Variants in GYS1 observed in about 807,000 individuals in gnomAD.
GYS1 encodes the protein glycogen synthase 1, also known as glycogen [starch] synthase, muscle.
In GYS1, 60 loss-of-function variants were observed where a neutral mutation model predicts 89.1. The ratio of observed to expected loss-of-function variants is 0.67; its 90% CI spans 0.55 to 0.84. The LOEUF (loss-of-function observed/expected upper bound fraction) is 0.84, where lower values mean the gene tolerates loss of function less well. GYS1 is among the 40% of genes least tolerant of loss of function. The probability of loss-of-function intolerance (pLI) is 0.00; values close to 1 mark genes in which losing one functional copy is unlikely to be tolerated. For missense variants in GYS1, 888 were observed against 1,003.1 expected (o/e 0.89, Z 1.55); for synonymous variants, 366 against 401.7 (o/e 0.91, Z 1.06).
chr19:48,969,900 C>T (rs1488965012), intron 14 of GYS1, 45 bp from the exon 15 acceptor site: 3 of 1,392,574 alleles, frequency 2.2e-6, no homozygotes, highest in African/African-American at 1.4e-5. Flanking sequence ...AGAGCCAGGC[C>T]CCACCCCCAG....
intron 12 of GYS1, among the ~76,000 whole-genome samples, chr19:48,972,541 C>T (rs532800359): frequency 5.9e-5 from 9 of 152,062 alleles, no homozygotes; most frequent in East Asian, 1.9e-4. Context: ...TGCAGTGGCG[C>T]GATCTCAGCT....
chr19:48,982,294 G>A lies in GYS1; in HGVS notation c.1023C>T (p.Val341=), dbSNP rs1374274905. ...RYEFSNKGAD[V]FLEALARLNY... is the part of the protein sequence containing the mutation. ...TGAGCCGAGCCAATGCCTCCAGGAA[G>A]ACGTCAGCACCCTTGTTGGAGAACT... Residue 341 remains valine (V), a synonymous_variant, in exon 7 of 16, where the codon GTC becomes GTT. Transcript: ENST00000323798. 1 of 1,613,870 alleles carries A rather than the reference G, an allele frequency of 6.2e-7. No homozygotes were observed. Among genetic ancestry groups the A allele is most frequent in the South Asian group, 1.1e-5 (1 of 91,078 alleles).
At chr19:48,984,956 A>G (rs2038819528) in intron 5 of GYS1, among the ~76,000 whole-genome samples, 2 of 146,610 alleles carry the variant, frequency 1.4e-5, no homozygotes, top group African/African-American at 5.4e-5. Flanking sequence ...AGGCTAACAT[A>G]AAGTGTTCTG....
intron 2 of GYS1, among the ~76,000 whole-genome samples, chr19:48,990,571 A>C (rs1253829071): frequency 6.6e-6 from 1 of 152,180 alleles, no homozygotes; most frequent in Non-Finnish European, 1.5e-5. Flanking sequence ...TAACAATGAC[A>C]ATCACCGCCC....
chr19:48,988,537 G>C (rs116237683), intron 2 of GYS1, among the ~76,000 whole-genome samples: 1 of 150,696 alleles, frequency 6.6e-6, no homozygotes, highest in Admixed American at 6.6e-5. Context: ...CAGGCTGATC[G>C]TGAACTCCTG....
Position 48,969,282 on chromosome 19 carries a change from G to A in GYS1, c.*6C>T, listed in dbSNP as rs2038512734. On this transcript the variant is annotated 3_prime_UTR_variant, in exon 16 of 16. Transcript: ENST00000323798. Reference sequence around the variant, plus strand: ...CAGGACAGGCGGGGAGTGTGGTGGGGCGGACTTAGTTACGCTCCTCGCCCA... The same window carrying A: ...CAGGACAGGCGGGGAGTGTGGTGGGACGGACTTAGTTACGCTCCTCGCCCA... 1.9e-6 allele frequency: 3 copies of A among 1,539,388 alleles called. No homozygotes were observed. Among genetic ancestry groups the A allele is most frequent in the African/African-American group, 2.7e-5 (2 of 73,120 alleles).
Position 48,985,877 on chromosome 19 carries a change from G to A in GYS1, c.651C>T (p.Ala217=), listed in dbSNP as rs779962575. Residue 217 remains alanine (A), a synonymous_variant, in exon 4 of 16, where the codon GCC becomes GCT. Coordinates refer to ENST00000323798, the MANE Select transcript of GYS1 (RefSeq NM_002103.5). ...TCTCCAGGTTGTTGTAGAAGTCCACGGCACCGGCACACAGGTAGCGCCCCA... is the reference window on the plus strand; with the variant it reads ...TCTCCAGGTTGTTGTAGAAGTCCACAGCACCGGCACACAGGTAGCGCCCCA... ...TLLGRYLCAG[A]VDFYNNLENF... is the part of the protein sequence containing the mutation. 27 of 1,613,648 alleles carry A rather than the reference G, an allele frequency of 1.7e-5. No individual in the cohort carries two copies. The highest frequency in any genetic ancestry group is 1.1e-4 in the East Asian group (5 of 44,902).
rs777178030 is a variant in GYS1 at position 48,979,336 on chromosome 19, C to CTTTTTTTTTTTTTTTTTTTTTTTTTTTTT, written c.1170-1208_1170-1180dup. On this transcript the variant is annotated intron_variant, in intron 8 of 15. Coordinates refer to ENST00000323798, the MANE Select transcript of GYS1 (RefSeq NM_002103.5). Reference sequence around the variant, plus strand: ...TTTGTCTCTTTTTCTTTTTTCTTTTCTTTTTTTTTTTTTTTTTTTTTTTTT... The same window carrying CTTTTTTTTTTTTTTTTTTTTTTTTTTTTT: ...TTTGTCTCTTTTTCTTTTTTCTTTTCTTTTTTTTTTTTTTTTTTTTTTTTTTTTTTTTTTTTTTTTTTTTTTTTTTTTTT... 5.4e-4 allele frequency among the ~76,000 whole-genome samples: 50 copies of CTTTTTTTTTTTTTTTTTTTTTTTTTTTTT among 92,762 alleles called. 6 individuals are homozygous for CTTTTTTTTTTTTTTTTTTTTTTTTTTTTT. Among genetic ancestry groups the CTTTTTTTTTTTTTTTTTTTTTTTTTTTTT allele is most frequent in the East Asian group, 9.0e-4 (3 of 3,346 alleles). 60.9% of individuals were successfully genotyped at this position (92,762 alleles called of 152,430 possible). A position where few individuals can be genotyped will look rare whatever the true frequency, so the allele number is the denominator to read the frequency against.
In GYS1 at chr19:48,968,199, C is replaced by G. The variant is rs756620839; in HGVS notation, c.*1089G>C. On this transcript the variant is annotated 3_prime_UTR_variant, in exon 16 of 16. Coordinates refer to ENST00000323798, the MANE Select transcript of GYS1 (RefSeq NM_002103.5). ...CTCCAATCACACCCCTCCTGCCCTC[C>G]CCTCTCAACTGCAAACCAAGCGGTG... 4.2e-5 allele frequency: 19 copies of G among 454,064 alleles called. No homozygotes were observed. The highest frequency in any genetic ancestry group is 9.4e-5 in the Admixed American group (4 of 42,548). 28.1% of individuals were successfully genotyped at this position (454,064 alleles called of 1,614,324 possible).
At position 48,975,092 on chromosome 19, in the gene GYS1, G is replaced by A. The variant is rs568685611; in HGVS notation, c.1309-359C>T. On this transcript the variant is annotated intron_variant, in intron 10 of 15. Transcript: ENST00000323798. ...ACTACAGGCGCCTACCACCACGCCC[G>A]GTTAATTTTTTGTATTTTTAGTAGA... Among the ~76,000 whole-genome samples, 311 of 152,062 alleles carry A rather than the reference G, an allele frequency of 2.0e-3. 3 individuals carry two copies. The highest frequency in any genetic ancestry group is 7.3e-3 in the African/African-American group (302 of 41,482).
intron 10 of GYS1, among the ~76,000 whole-genome samples, chr19:48,976,567 GA>G (rs1182628746): frequency 1.3e-5 from 2 of 152,164 alleles, no homozygotes; most frequent in Non-Finnish European, 2.9e-5. Context: ...CGCAGCTGCT[GA>G]GAGTTTGCAA....
chr19:48,969,811 T>C lies in GYS1; in HGVS notation c.1854A>G (p.Pro618=), dbSNP rs1209706515. 1.9e-6 allele frequency: 3 copies of C among 1,614,006 alleles called. No individual in the cohort carries two copies. Among genetic ancestry groups the C allele is most frequent in the Admixed American group, 3.3e-5 (2 of 60,028 alleles). The change falls in exon 15 of 16, where the codon CCA becomes CCG. Residue 618 remains proline (P), a synonymous_variant. Coordinates refer to ENST00000323798, the MANE Select transcript of GYS1 (RefSeq NM_002103.5). ...CGTTGGGCTCGTAGGTGAAGTGCTC[T>C]GGAAAGGCCTTGGACAGCGCCATGT... ...ARHMALSKAF[P]EHFTYEPNEA... is the part of the protein sequence containing the mutation.
intron 6 of GYS1, 85 bp downstream of exon 6, chr19:48,982,634 GC>G (rs2038784740): frequency 5.8e-6 from 6 of 1,032,756 alleles, no homozygotes; most frequent in Non-Finnish European, 9.2e-6. Context: ...AGGAGTCTGG[GC>G]CCCCAGCTGC....
rs1367900815 is a variant in GYS1, at chr19:48,974,661, G to A, written c.1381C>T (p.Arg461Cys). 3 of 1,614,034 alleles carry A rather than the reference G, an allele frequency of 1.9e-6. No homozygotes were observed. The highest frequency in any genetic ancestry group is 1.6e-4 in the Middle Eastern group (1 of 6,062). ...DSSDPILTTI[R>C]RIGLFNSSAD... ...CTGCTATTGAAGAGGCCGATTCGGC[G>A]GATGGTGGTCAGGATGGGGTCTGAG... The change falls in exon 11 of 16, where the codon CGC becomes TGC. Residue 461 changes from arginine to cysteine, a missense_variant. Arg to Cys is a radical substitution (Grantham distance 180). Coordinates refer to ENST00000323798, the MANE Select transcript of GYS1 (RefSeq NM_002103.5).
At chr19:48,974,594 A>T in intron 11 of GYS1, 26 bp downstream of exon 11, 1 of 1,536,834 alleles carries the variant, frequency 6.5e-7, no homozygotes, top group Non-Finnish European at 9.0e-7. Flanking sequence ...GCCGTGCCCA[A>T]CCCAGCCCTG....
chr19:48,992,512 C>T (rs1259754870), intron 1 of GYS1, among the ~76,000 whole-genome samples: 1 of 30,026 alleles, frequency 3.3e-5, no homozygotes, highest in South Asian at 6.4e-4. Context: ...CCCGTCCCAT[C>T]TTTATTCTTA....
At chr19:48,983,487 A>G (rs2038796218) in intron 5 of GYS1, among the ~76,000 whole-genome samples, 1 of 152,192 alleles carries the variant, frequency 6.6e-6, no homozygotes, top group Non-Finnish European at 1.5e-5. Flanking sequence ...GAAATGATTA[A>G]ACATCCCCAA....
intron 14 of GYS1, chr19:48,970,163 C>G (rs954089350): frequency 2.1e-6 from 1 of 487,542 alleles, no homozygotes; most frequent in South Asian, 2.2e-5. Flanking sequence ...TGTTCTGTTA[C>G]TCTAGGATGG....
chr19:48,990,139 T>C (rs1477174904), intron 2 of GYS1, among the ~76,000 whole-genome samples: 3 of 151,852 alleles, frequency 2.0e-5, no homozygotes, highest in South Asian at 2.1e-4. Context: ...CCAGAGGCTG[T>C]GAATGAGTAA....
Sources: gnomAD v4.1 joint callset for allele counts (sites outside exome capture counted in the v4.1 genomes callset) on GRCh38, gnomAD v4.1.1 for gene constraint, MANE v1.5 for transcripts, NCBI Gene and HGNC (gene_info 2026-07-23, HGNC 2026-07-21) for gene names.